The following SHPRH variants were observed in gnomAD, a reference collection of about 807,000 sequenced individuals.
SHPRH encodes the protein SNF2 histone linker PHD RING helicase.
In SHPRH, 106 loss-of-function variants were observed where a neutral mutation model predicts 202.5. The observed-to-expected ratio is 0.52, with a 90% CI of 0.45 to 0.62. The LOEUF is 0.62. SHPRH is among the 20% of genes least tolerant of loss of function. The probability of loss-of-function intolerance (pLI) is 0.00; values close to 1 mark genes in which losing one functional copy is unlikely to be tolerated. For synonymous variants in SHPRH, 729 were observed against 686.0 expected (o/e 1.06, Z -0.98); for missense variants, 1,710 against 2,020.0 (o/e 0.85, Z 2.94).
At chr6:145,884,381 A>G (rs1780815350), downstream of SHPRH, 1 of 152,192 alleles carries the variant, frequency 6.6e-6, no homozygotes, top group Non-Finnish European at 1.5e-5. Flanking sequence ...CATTGTATGT[A>G]TCTTTTTAGT....
intron 2 of SHPRH, 103 bp downstream of exon 2, chr6:145,954,587 A>G: frequency 8.2e-7 from 1 of 1,221,234 alleles, no homozygotes; most frequent in Non-Finnish European, 1.1e-6. Flanking sequence ...CTTAACAATG[A>G]AAGGCTTATT....
downstream of SHPRH, among the ~76,000 whole-genome samples, chr6:145,882,592 G>C (rs151306542): frequency 1.3e-5 from 2 of 152,210 alleles, no homozygotes; most frequent in African/African-American, 2.4e-5. Context: ...CTGTGACAAA[G>C]GAAAATACAC....
chr6:145,907,411 T>C (rs1012181279), intron 25 of SHPRH: 2 of 152,202 alleles, frequency 1.3e-5, no homozygotes, highest in African/African-American at 4.8e-5. Context: ...CCTCATCATC[T>C]GTTTTCCACA....
chr6:145,861,241 A>G (rs1325096222), downstream of SHPRH, among the ~76,000 whole-genome samples: 1 of 152,116 alleles, frequency 6.6e-6, no homozygotes, highest in Admixed American at 6.5e-5. Context: ...CTACAACTCA[A>G]TAGAAAACAA....
downstream of SHPRH, among the ~76,000 whole-genome samples, chr6:145,863,473 A>T (rs1779648569): frequency 6.6e-6 from 1 of 152,240 alleles, no homozygotes; most frequent in Admixed American, 6.5e-5. Flanking sequence ...AACTATTTTA[A>T]GTGATCTGGA....
At chr6:145,871,886 A>G (rs1437462128) in intron 2 of SHPRH, among the ~76,000 whole-genome samples, 6 of 152,208 alleles carry the variant, frequency 3.9e-5, no homozygotes, top group Non-Finnish European at 8.8e-5. Context: ...ATACAGAAAT[A>G]AGACTGCACA....
chr6:145,893,525 C>T (rs1001471695), intron 27 of SHPRH, 132 bp from the exon 28 acceptor site: 45 of 768,608 alleles, frequency 5.9e-5, no homozygotes, highest in Admixed American at 1.7e-4. Context: ...AACTTAAATG[C>T]AAAATTACCA....
intron 26 of SHPRH, among the ~76,000 whole-genome samples, chr6:145,894,643 A>C (rs1781855512): frequency 6.6e-6 from 1 of 152,092 alleles, no homozygotes; most frequent in Non-Finnish European, 1.5e-5. Context: ...AAAAATATTA[A>C]ACTAAGAAAA....
intron 20 of SHPRH, among the ~76,000 whole-genome samples, chr6:145,921,711 GATAA>G (rs927720884): frequency 2.0e-5 from 3 of 151,888 alleles, no homozygotes; most frequent in Non-Finnish European, 4.4e-5. Context: ...ATCTGTTGGA[GATAA>G]ATAAACAGAA....
At chr6:145,947,755 T>A in intron 5 of SHPRH, 112 bp from the exon 6 acceptor site, 2 of 1,308,818 alleles carry the variant, frequency 1.5e-6, no homozygotes, top group South Asian at 3.0e-5. Context: ...TCTAAGTTTA[T>A]TGAAACTATA....
downstream of SHPRH, among the ~76,000 whole-genome samples, chr6:145,881,075 G>A (rs563292265): frequency 1.2e-4 from 18 of 152,226 alleles, no homozygotes; most frequent in East Asian, 1.3e-3. Context: ...TTTAAAGCAC[G>A]CATAAATTAT....
At chr6:145,916,864 C>A (rs970198268) in intron 23 of SHPRH, among the ~76,000 whole-genome samples, 10 of 152,040 alleles carry the variant, frequency 6.6e-5, no homozygotes, top group African/African-American at 2.4e-4. Context: ...CTCACTGCAA[C>A]CTCTGTCTCC....
intron 2 of SHPRH, among the ~76,000 whole-genome samples, chr6:145,874,312 C>T (rs1355557687): frequency 5.3e-5 from 8 of 151,922 alleles, no homozygotes; most frequent in African/African-American, 1.9e-4. Flanking sequence ...TGAAGTACAC[C>T]GTATCAAAAC....
At chr6:145,911,656 A>G (rs1301721258) in intron 24 of SHPRH, among the ~76,000 whole-genome samples, 1 of 152,114 alleles carries the variant, frequency 6.6e-6, no homozygotes, top group Non-Finnish European at 1.5e-5. Context: ...TGAGTGACAA[A>G]GCTTCTAAAT....
At chr6:145,883,366 G>A (rs1055412685), downstream of SHPRH, 1 of 152,262 alleles carries the variant, frequency 6.6e-6, no homozygotes, top group African/African-American at 2.4e-5. Context: ...TGAAAAGGCT[G>A]TCTGAAGACA....
intron 24 of SHPRH, among the ~76,000 whole-genome samples, chr6:145,911,607 TTCA>T (rs1783503966): frequency 6.6e-6 from 1 of 152,156 alleles, no homozygotes; most frequent in East Asian, 1.9e-4. Flanking sequence ...TTTAACCGTT[TTCA>T]TCTGGTAAAA....
chr6:145,907,264 C>T (rs1349821605), intron 25 of SHPRH: 1 of 152,080 alleles, frequency 6.6e-6, no homozygotes, highest in Non-Finnish European at 1.5e-5. Context: ...CCAACATTCT[C>T]TAACTTTATT....
rs375667023 is a variant in SHPRH, at chr6:145,932,264, TA to T, written c.3112+792del. Among the ~76,000 whole-genome samples, 490 of 152,292 alleles carry T rather than the reference TA, an allele frequency of 3.2e-3. 4 individuals are homozygous for T. The highest frequency in any genetic ancestry group is 0.011 in the African/African-American group (470 of 41,582). ...GTGCTTATTAAAAGTGCCAGTTATA[TA>T]ACTTTGCTTCCAGCCAAGATAGAGT... On this transcript the variant is annotated intron_variant, in intron 14 of 29. Coordinates refer to ENST00000275233, the MANE Select transcript of SHPRH (RefSeq NM_001042683.3).
intron 1 of SHPRH, among the ~76,000 whole-genome samples, chr6:145,956,547 A>T (rs925071204): frequency 6.6e-6 from 1 of 152,140 alleles, no homozygotes; most frequent in African/African-American, 2.4e-5. Flanking sequence ...AATCTAAGTA[A>T]TGTAAGAAGC....
Sources: gnomAD v4.1 joint callset for allele counts (sites outside exome capture counted in the v4.1 genomes callset) on GRCh38, gnomAD v4.1.1 for gene constraint, MANE v1.5 for transcripts, NCBI Gene and HGNC (gene_info 2026-07-23, HGNC 2026-07-21) for gene names.